The following EFTUD2 variants were observed in gnomAD, a reference collection of about 807,000 sequenced individuals.
EFTUD2 encodes the protein 116 kDa U5 small nuclear ribonucleoprotein component.
In EFTUD2, 9 loss-of-function variants were observed where a neutral mutation model predicts 114.3. The ratio of observed to expected loss-of-function variants is 0.08; its 90% CI spans 0.05 to 0.14. EFTUD2 has a LOEUF of 0.14. Among genes scored for constraint, EFTUD2 ranks in the 10% least tolerant of loss-of-function variants. The pLI is 1.00. For missense variants in EFTUD2, 765 were observed against 1,241.2 expected, an observed-to-expected ratio of 0.62 and a Z score of 5.76; for synonymous variants, 449 against 462.3, an observed-to-expected ratio of 0.97 and a Z score of 0.37.
intron 4 of EFTUD2, chr17:44,884,025 G>A: frequency 3.0e-6 from 1 of 338,650 alleles, no homozygotes; most frequent in Non-Finnish European, 5.7e-6. Flanking sequence ...CCAGCACTTT[G>A]GGAGGCCGAG....
In EFTUD2 at chr17:44,861,432, G is replaced by GAA. The variant is rs35487111; in HGVS notation, c.1608-891_1608-890dup. On this transcript the variant is annotated intron_variant, in intron 16 of 27. Coordinates refer to ENST00000426333, the MANE Select transcript of EFTUD2 (RefSeq NM_004247.4). ...TGCACTCCAGCCTGGCTGACAGAGA[G>GAA]AAAAAAAAAAAAAAAAAAAGGCTGG... Among the ~76,000 whole-genome samples the GAA allele has an allele frequency of 1.3e-3, 135 of 100,192 alleles. 1 individual carries two copies. The highest frequency in any genetic ancestry group is 0.013 in the Admixed American group (109 of 8,658). The allele number at this position is 100,192 out of a possible 152,430, so 65.7% of individuals were successfully genotyped here.
intron 20 of EFTUD2, among the ~76,000 whole-genome samples, chr17:44,856,767 A>C (rs1316507839): frequency 2.0e-5 from 3 of 151,782 alleles, no homozygotes; most frequent in African/African-American, 4.8e-5. Context: ...TCAAAAAAAA[A>C]AAAAACAAAA....
At chr17:44,866,047 C>T (rs1403920590) in intron 13 of EFTUD2, among the ~76,000 whole-genome samples, 2 of 152,076 alleles carry the variant, frequency 1.3e-5, no homozygotes, top group African/African-American at 4.8e-5. Flanking sequence ...TGATCTCAAG[C>T]GATCTGCCCA....
chr17:44,857,105 A>G lies in EFTUD2; in HGVS notation c.2015T>C (p.Leu672Pro). 1.2e-6 allele frequency: 2 copies of G among 1,614,010 alleles called. No individual in the cohort carries two copies. The highest frequency in any genetic ancestry group is 8.5e-7 in the Non-Finnish European group (1 of 1,179,884). ...ATTAGGCGTTTCAGCAAAGCACTTG[A>G]GGGAGGATGTTTCCACCACCGTCTC... ...FCETVVETSS[L>P]KCFAETPNKK... Residue 672 changes from leucine (L) to proline (P), a missense_variant, in exon 20 of 28, where the codon CTC (leucine) becomes CCC (proline). Around this residue, in one of 6 missense-constraint regions of EFTUD2, gnomAD observed 166 missense variants for 401.5 expected, o/e 0.41. Transcript: ENST00000426333.
At chr17:44,880,412 G>C in intron 8 of EFTUD2, 142 bp downstream of exon 8, 1 of 579,468 alleles carries the variant, frequency 1.7e-6, no homozygotes, top group East Asian at 3.0e-5. Flanking sequence ...ACAAAGGAGA[G>C]AGTCAAAATG....
rs1567727186 is a variant in EFTUD2 at position 44,851,831 on chromosome 17, G to C, written c.2716-14C>G. 22 of 1,600,270 alleles carry C rather than the reference G, an allele frequency of 1.4e-5. No homozygotes were observed. The East Asian group carries it at 4.7e-4, about 35-fold the overall frequency. On this transcript the variant is annotated splice_polypyrimidine_tract_variant and intron_variant, in intron 26 of 27. Transcript: ENST00000426333. ...ACCAGGCACAATCTAAAAGGCAAAG[G>C]AATTTCAGATGGCCCAGGCAGAATT...
chr17:44,884,475 T>C lies in EFTUD2; in HGVS notation c.351-751A>G, dbSNP rs566645255. ...TGGAGGTTGTAGAGAGCTGAGATCA[T>C]GCCACTGCACTCCAGCCTGGGCAAC... On this transcript the variant is annotated intron_variant, in intron 4 of 27. Coordinates refer to ENST00000426333, the MANE Select transcript of EFTUD2 (RefSeq NM_004247.4). Among the ~76,000 whole-genome samples the C allele has an allele frequency of 1.6e-3, 245 of 149,822 alleles. 1 individual carries two copies. Among genetic ancestry groups the C allele is most frequent in the African/African-American group, 5.9e-3 (240 of 40,644 alleles).
intron 20 of EFTUD2, among the ~76,000 whole-genome samples, chr17:44,856,674 G>T (rs985411550): frequency 6.6e-6 from 1 of 151,566 alleles, no homozygotes; most frequent in African/African-American, 2.4e-5. Context: ...AAAATTAACA[G>T]ATGGCCTGGT....
At chr17:44,858,720 G>A (rs1458576572) in intron 19 of EFTUD2, among the ~76,000 whole-genome samples, 1 of 152,060 alleles carries the variant, frequency 6.6e-6, no homozygotes, top group Non-Finnish European at 1.5e-5. Flanking sequence ...TGCAATTACA[G>A]CAACGGACCA....
intron 9 of EFTUD2, among the ~76,000 whole-genome samples, chr17:44,876,968 A>G (rs572658983): frequency 2.0e-5 from 3 of 151,582 alleles, no homozygotes; most frequent in African/African-American, 7.3e-5. Context: ...CCAAGGCAGG[A>G]GGATTGCTTG....
intron 12 of EFTUD2, 125 bp downstream of exon 12, chr17:44,868,162 G>A: frequency 1.1e-6 from 1 of 931,444 alleles, no homozygotes; most frequent in African/African-American, 1.7e-5. Flanking sequence ...AGGAAAGACG[G>A]TAGTTTACAT....
intron 10 of EFTUD2, 69 bp from the exon 11 acceptor site, chr17:44,872,639 G>A (rs2050876589): frequency 6.7e-7 from 1 of 1,493,584 alleles, no homozygotes; most frequent in African/African-American, 1.4e-5. Flanking sequence ...AAGGGGAAGG[G>A]CAGGAACTCG....
At chr17:44,895,656 A>T (rs2051370993) in intron 1 of EFTUD2, among the ~76,000 whole-genome samples, 1 of 152,200 alleles carries the variant, frequency 6.6e-6, no homozygotes, top group Non-Finnish European at 1.5e-5. Flanking sequence ...TAATAGAAAA[A>T]GTTTGCCAAC....
At chr17:44,897,633 C>T (rs1007982239) in intron 1 of EFTUD2, among the ~76,000 whole-genome samples, 5 of 152,156 alleles carry the variant, frequency 3.3e-5, no homozygotes, top group Admixed American at 6.5e-5. Flanking sequence ...GGCACGATCT[C>T]GACTCACTGC....
intron 8 of EFTUD2, 95 bp downstream of exon 8, chr17:44,880,459 C>A: frequency 1.2e-6 from 1 of 844,476 alleles, no homozygotes; most frequent in Non-Finnish European, 1.9e-6. Flanking sequence ...AATGTAAAAA[C>A]AAAGATGCAC....
intron 4 of EFTUD2, among the ~76,000 whole-genome samples, 162 bp downstream of exon 4, chr17:44,885,094 T>C (rs940876002): frequency 6.6e-6 from 1 of 152,110 alleles, no homozygotes. Context: ...AAAGTTAAGA[T>C]TGACCCCAAA....
At chr17:44,877,197 T>C (rs1446536531) in intron 9 of EFTUD2, among the ~76,000 whole-genome samples, 2 of 151,016 alleles carry the variant, frequency 1.3e-5, no homozygotes, top group Non-Finnish European at 3.0e-5. Flanking sequence ...TGCCATCTCT[T>C]TGAAGGAAAA....
At chr17:44,890,523 T>C (rs1027701905) in intron 2 of EFTUD2, among the ~76,000 whole-genome samples, 9 of 151,504 alleles carry the variant, frequency 5.9e-5, no homozygotes, top group Admixed American at 1.3e-4. Flanking sequence ...AGAAACCCCA[T>C]CTCTACTAAA....
In EFTUD2 at chr17:44,850,818, A is replaced by G. The variant is rs2050434064; in HGVS notation, c.*456T>C. Reference sequence around the variant, plus strand: ...GGAAGGAGGCTGCAGCTGGAAGCAGAGGCAGTGAAGCCTCTTGGGAGATGA... The same window carrying G: ...GGAAGGAGGCTGCAGCTGGAAGCAGGGGCAGTGAAGCCTCTTGGGAGATGA... On this transcript the variant is annotated 3_prime_UTR_variant, in exon 28 of 28. Transcript: ENST00000426333. 1 of 233,488 alleles carries G rather than the reference A, an allele frequency of 4.3e-6. No homozygotes were observed. The highest frequency in any genetic ancestry group is 8.6e-6 in the Non-Finnish European group (1 of 116,928). The allele number at this position is 233,488 out of a possible 1,614,324, so 14.5% of individuals were successfully genotyped here. A position where few individuals can be genotyped will look rare whatever the true frequency, so the allele number is the denominator to read the frequency against.
Sources: gnomAD v4.1 joint callset for allele counts (sites outside exome capture counted in the v4.1 genomes callset) on GRCh38, gnomAD v4.1.1 for gene constraint, gnomAD v4.1.1 regional missense constraint, MANE v1.5 for transcripts, NCBI Gene and HGNC (gene_info 2026-07-23, HGNC 2026-07-21) for gene names.